Variants in CYP3A5 observed in about 807,000 individuals in gnomAD.
The protein encoded by CYP3A5 is cytochrome P450 3A5.
CYP3A5 carries 51 observed loss-of-function variants against 55.9 expected under a neutral mutation model. That is an observed-to-expected ratio of 0.91 (90% CI 0.73 to 1.15). The LOEUF (loss-of-function observed/expected upper bound fraction) is 1.15, where lower values mean the gene tolerates loss of function less well. Among genes scored for constraint, CYP3A5 ranks in the 50% most tolerant of loss-of-function variants. The pLI is 0.00. For missense variants in CYP3A5, 533 were observed against 596.6 expected (o/e 0.89, Z 1.11); for synonymous variants, 196 against 213.9 (o/e 0.92, Z 0.73).
At chr7:99,649,536 C>T (rs1808960106) in intron 12 of CYP3A5, among the ~76,000 whole-genome samples, 1 of 152,138 alleles carries the variant, frequency 6.6e-6, no homozygotes, top group East Asian at 1.9e-4. Context: ...AGTCATTCTC[C>T]ACCTTGGCTT....
chr7:99,663,897 C>A, intron 8 of CYP3A5, 71 bp downstream of exon 8: 1 of 1,502,808 alleles, frequency 6.7e-7, no homozygotes, highest in South Asian at 1.4e-5. Context: ...CAGATACATG[C>A]TCTATCATGT....
intron 1 of CYP3A5, among the ~76,000 whole-genome samples, chr7:99,679,004 G>T (rs139935093): frequency 6.6e-6 from 1 of 152,334 alleles, no homozygotes; most frequent in African/African-American, 2.4e-5. Flanking sequence ...AATCCAAATT[G>T]GCTTTCATGG....
At chr7:99,676,044 C>A in intron 2 of CYP3A5, 71 bp downstream of exon 2, 1 of 1,343,718 alleles carries the variant, frequency 7.4e-7, no homozygotes, top group Non-Finnish European at 1.1e-6. Flanking sequence ...CAAGGAGGGG[C>A]ATTTTTACTG....
In CYP3A5 at chr7:99,660,666, G is replaced by A. The variant is rs1172280150; in HGVS notation, c.866-7C>T. 1.2e-6 allele frequency: 2 copies of A among 1,613,392 alleles called. No homozygotes were observed. Among genetic ancestry groups the A allele is most frequent in the South Asian group, 2.2e-5 (2 of 91,026 alleles). On this transcript the variant is annotated splice_polypyrimidine_tract_variant and splice_region_variant and intron_variant, in intron 9 of 12. Transcript: ENST00000222982. ...AGCTCCAGATCAGACAGAGCTGAAA[G>A]GAGAGGAAAGACATTTTAGGTAAAT...
intron 4 of CYP3A5, 40 bp downstream of exon 4, chr7:99,672,540 G>C: frequency 1.3e-6 from 2 of 1,508,498 alleles, no homozygotes; most frequent in Non-Finnish European, 1.8e-6. Context: ...TTTAATCAGT[G>C]GATCAATCAT....
chr7:99,654,567 G>C (rs1346518758), intron 10 of CYP3A5, among the ~76,000 whole-genome samples: 1 of 152,130 alleles, frequency 6.6e-6, no homozygotes, highest in Non-Finnish European at 1.5e-5. Flanking sequence ...TTTATAGCAG[G>C]ATGATTTATA....
At chr7:99,661,943 G>A (rs1365680619) in intron 9 of CYP3A5, among the ~76,000 whole-genome samples, 2 of 152,218 alleles carry the variant, frequency 1.3e-5, no homozygotes, top group African/African-American at 4.8e-5. Flanking sequence ...TTGGCCACAT[G>A]TCCAGTACTC....
At chr7:99,666,431 C>CT (rs1294200505) in intron 6 of CYP3A5, among the ~76,000 whole-genome samples, 170 bp downstream of exon 6, 1 of 152,176 alleles carries the variant, frequency 6.6e-6, no homozygotes, top group African/African-American at 2.4e-5. Flanking sequence ...CCCTTGCTGA[C>CT]TTGCCGCCTC....
chr7:99,650,336 A>G, intron 11 of CYP3A5, 104 bp from the exon 12 acceptor site: 1 of 1,008,348 alleles, frequency 9.9e-7, no homozygotes, highest in East Asian at 2.4e-5. Context: ...CCTCCCAACC[A>G]GTAGTACACA....
chr7:99,666,956 T>G lies in CYP3A5; in HGVS notation c.428A>C (p.Lys143Thr). The G allele has an allele frequency of 1.9e-6, 3 of 1,613,714 alleles. No homozygotes were observed. The highest frequency in any genetic ancestry group is 2.5e-6 in the Non-Finnish European group (3 of 1,179,724). Residue 143 changes from lysine (K) to threonine (T), a missense_variant, in exon 5 of 13, where the codon AAG (lysine) becomes ACG (threonine). Coordinates refer to ENST00000222982, the MANE Select transcript of CYP3A5 (RefSeq NM_000777.5). The part of the protein sequence containing the change: ...LSPTFTSGKL[K>T]EMFPIIAQYG... ...AGACTCATCTTATTTTCATACCTCC[T>G]TGAGTTTTCCGCTGGTGAAGGTTGG...
rs1172387011 is a variant in CYP3A5, at chr7:99,674,637, C to A, written c.166-52G>T. 3 of 1,502,388 alleles carry A rather than the reference C, an allele frequency of 2.0e-6. No individual in the cohort carries two copies. The South Asian group carries it at 3.5e-5, about 17-fold the overall frequency. The allele number at this position is 1,502,388 out of a possible 1,614,324, so 93.1% of individuals were successfully genotyped here. A position where few individuals can be genotyped will look rare whatever the true frequency, so the allele number is the denominator to read the frequency against. On this transcript the variant is annotated intron_variant, in intron 2 of 12. Coordinates refer to ENST00000222982, the MANE Select transcript of CYP3A5 (RefSeq NM_000777.5). ...GATTATTATTTTAAATAGAATAAAC[C>A]CTACCTCTAATTGGGGCTGAAAACA...
At position 99,660,809 on chromosome 7, in the gene CYP3A5, G is replaced by C. The variant is rs1810365335; in HGVS notation, c.866-150C>G. ...CTGGGAGTGGTTTTCATTCTGATAT[G>C]TATCTTATACAGGGCCAGGATGACG... is the stretch of plus-strand genomic sequence containing the variant. On this transcript the variant is annotated intron_variant, in intron 9 of 12. Coordinates refer to ENST00000222982, the MANE Select transcript of CYP3A5 (RefSeq NM_000777.5). 4 of 923,458 alleles carry C rather than the reference G, an allele frequency of 4.3e-6. No individual in the cohort carries two copies. The Admixed American group carries it at 8.2e-5, about 19-fold the overall frequency. The allele number at this position is 923,458 out of a possible 1,614,324, so 57.2% of individuals were successfully genotyped here. A position where few individuals can be genotyped will look rare whatever the true frequency, so the allele number is the denominator to read the frequency against.
In CYP3A5 at chr7:99,666,608, A is replaced by G; in HGVS notation, c.514T>C (p.Leu172=). The change falls in exon 6 of 13, where the codon TTG becomes CTG. Residue 172 remains leucine, a synonymous_variant. Transcript: ENST00000222982. ...REAEKGKPVT[L]KDIFGAYSMD... is the part of the protein sequence containing the mutation. The stretch of plus-strand genomic sequence containing the variant: ...GGCTGTGCTCCTACTTACTCTTTCA[A>G]GGTGACAGGCTTGCCTTTCTCTGCT... The G allele has an allele frequency of 1.9e-6, 3 of 1,613,722 alleles. No homozygotes were observed. The highest frequency in any genetic ancestry group is 2.5e-6 in the Non-Finnish European group (3 of 1,179,730).
Position 99,666,816 on chromosome 7 carries a change from C to T in CYP3A5, c.433-127G>A. ...TGAATTTTGTGATGTCTTTTCTGTACATAAAGATAAAAGACCATTTTTAGG... is the reference window on the plus strand; with the variant it reads ...TGAATTTTGTGATGTCTTTTCTGTATATAAAGATAAAAGACCATTTTTAGG... On this transcript the variant is annotated intron_variant, in intron 5 of 12. Coordinates refer to ENST00000222982, the MANE Select transcript of CYP3A5 (RefSeq NM_000777.5). 2.5e-6 allele frequency: 4 copies of T among 1,581,638 alleles called. No homozygotes were observed. In the South Asian group the frequency reaches 3.5e-5, roughly 14 times the overall value.
rs1464074668 is a variant in CYP3A5 at position 99,662,013 on chromosome 7, T to A, written c.865+803A>T. Among the ~76,000 whole-genome samples, 2 of 152,268 alleles carry A rather than the reference T, an allele frequency of 1.3e-5. No homozygotes were observed. Among genetic ancestry groups the A allele is most frequent in the Admixed American group, 6.5e-5 (1 of 15,288 alleles). On this transcript the variant is annotated intron_variant, in intron 9 of 12. Transcript: ENST00000222982. This position sits in a 1 kb window ranked among gnomAD's most constrained non-coding sequence, Gnocchi z 4.3. ...ACAGTGAAATGATAGACTATTTTCT[T>A]TATCACAGCAAGTTTTGTTGAGATA...
intron 7 of CYP3A5, 92 bp downstream of exon 7, chr7:99,665,073 AC>A: frequency 1.8e-6 from 2 of 1,103,340 alleles, no homozygotes; most frequent in Non-Finnish European, 2.6e-6. Flanking sequence ...ATGGAATTGT[AC>A]CTTTTAAGTG....
At chr7:99,666,551 C>T (rs1259258898) in intron 6 of CYP3A5, 50 bp downstream of exon 6, 2 of 1,584,814 alleles carry the variant, frequency 1.3e-6, no homozygotes, top group Non-Finnish European at 1.7e-6. Flanking sequence ...TGGCAGGCAG[C>T]TGGAAGGGCT....
chr7:99,655,038 C>T (rs1024829582), intron 10 of CYP3A5, among the ~76,000 whole-genome samples: 2 of 152,174 alleles, frequency 1.3e-5, no homozygotes, highest in African/African-American at 4.8e-5. Flanking sequence ...TGCCTGTTCA[C>T]TCTGATGGTA....
chr7:99,665,709 G>A (rs1025395637), intron 6 of CYP3A5, among the ~76,000 whole-genome samples: 4 of 152,232 alleles, frequency 2.6e-5, no homozygotes, highest in South Asian at 4.1e-4. Flanking sequence ...GAAAGGTGGC[G>A]TTGTCTGACT....
Sources: gnomAD v4.1 joint callset for allele counts (sites outside exome capture counted in the v4.1 genomes callset) on GRCh38, gnomAD v4.1.1 for gene constraint, Gnocchi (gnomAD v3.1) non-coding constraint, MANE v1.5 for transcripts, NCBI Gene and HGNC (gene_info 2026-07-23, HGNC 2026-07-21) for gene names.